DLG1: variants seen among roughly 807,000 people sequenced by gnomAD.
DLG1 encodes the protein disks large homolog 1.
A neutral mutation model predicts 123.4 loss-of-function variants in DLG1; 42 were observed. The observed-to-expected ratio is 0.34, with a 90% CI of 0.27 to 0.44. DLG1 has a LOEUF of 0.44. Ranked by LOEUF, DLG1 falls within the 20% of genes least tolerant of loss-of-function variation. DLG1 has a pLI of 1.00. For missense variants in DLG1, 942 were observed against 1,082.6 expected, an observed-to-expected ratio of 0.87 and a Z score of 1.82; for synonymous variants, 317 against 356.2, an observed-to-expected ratio of 0.89 and a Z score of 1.24.
intron 5 of DLG1, among the ~76,000 whole-genome samples, chr3:197,163,505 T>C (rs1561158374): frequency 1.3e-5 from 2 of 151,386 alleles, no homozygotes; most frequent in African/African-American, 4.8e-5. Flanking sequence ...AACGTGATAA[T>C]ATACACACAA....
At chr3:197,082,706 A>G (rs1751916794) in intron 16 of DLG1, among the ~76,000 whole-genome samples, 1 of 152,220 alleles carries the variant, frequency 6.6e-6, no homozygotes, top group East Asian at 1.9e-4. Context: ...ACATTCAAGA[A>G]CGAAATGGCA....
chr3:197,155,670 T>C (rs1029173540), intron 5 of DLG1, among the ~76,000 whole-genome samples: 3 of 150,004 alleles, frequency 2.0e-5, no homozygotes, highest in African/African-American at 7.3e-5. Context: ...GGCTCACACC[T>C]GTAATCCCAG....
intron 17 of DLG1, 120 bp from the exon 18 acceptor site, chr3:197,076,805 T>C (rs1174432350): frequency 5.9e-6 from 3 of 507,092 alleles, no homozygotes; most frequent in Non-Finnish European, 1.1e-5. Flanking sequence ...TTGTATATGA[T>C]TTTTACTTTA....
intron 10 of DLG1, among the ~76,000 whole-genome samples, chr3:197,132,209 C>G (rs1241830527): frequency 1.3e-5 from 2 of 151,708 alleles, no homozygotes; most frequent in African/African-American, 2.4e-5. Context: ...TTTCTATTAC[C>G]TATTTCATTA....
chr3:197,184,320 A>G lies in DLG1; in HGVS notation c.483+10105T>C, dbSNP rs79058068. Among the ~76,000 whole-genome samples the G allele has an allele frequency of 9.3e-3, 1,379 of 148,222 alleles. 10 individuals are homozygous for G. Among genetic ancestry groups the G allele is most frequent in the Middle Eastern group, 0.015 (4 of 274 alleles). The stretch of plus-strand genomic sequence containing the variant: ...GGCACCTTCACTGCTTATATAAATT[A>G]TAAATATGAACTGAATTAAAACATA... On this transcript the variant is annotated intron_variant, in intron 5 of 24. Transcript: ENST00000667157.
intron 22 of DLG1, among the ~76,000 whole-genome samples, chr3:197,063,541 T>C (rs1174498962): frequency 1.3e-5 from 2 of 152,218 alleles, no homozygotes; most frequent in Non-Finnish European, 2.9e-5. Flanking sequence ...TTTTGCATGT[T>C]GTGTATCAGT....
chr3:197,248,984 A>C (rs563740592), intron 4 of DLG1, among the ~76,000 whole-genome samples: 44 of 152,334 alleles, frequency 2.9e-4, no homozygotes, highest in Middle Eastern at 3.4e-3. Flanking sequence ...TATGTCTCAA[A>C]AAATAAAAAA....
chr3:197,108,144 C>T (rs1767672100), intron 13 of DLG1, among the ~76,000 whole-genome samples: 1 of 152,134 alleles, frequency 6.6e-6, no homozygotes, highest in African/African-American at 2.4e-5. Context: ...ACCATGCATT[C>T]CTTGAATAAA....
chr3:197,214,006 CAA>C (rs1732682322), intron 4 of DLG1, among the ~76,000 whole-genome samples: 1 of 151,988 alleles, frequency 6.6e-6, no homozygotes, highest in South Asian at 2.1e-4. Context: ...GCAGCACAAA[CAA>C]AGAGAAACAA....
intron 4 of DLG1, among the ~76,000 whole-genome samples, chr3:197,265,190 G>A (rs529157534): frequency 1.9e-4 from 29 of 152,308 alleles, no homozygotes; most frequent in Non-Finnish European, 3.8e-4. Flanking sequence ...CCTGTAATAT[G>A]AGCTACTTTA....
intron 5 of DLG1, among the ~76,000 whole-genome samples, chr3:197,171,157 AAGAG>A (rs1465283157): frequency 4.6e-5 from 7 of 152,178 alleles, no homozygotes; most frequent in African/African-American, 1.7e-4. Flanking sequence ...ATTTAAAAGT[AAGAG>A]AGAAACTAAA....
At chr3:197,045,134 T>TG (rs1722030322) in intron 24 of DLG1, among the ~76,000 whole-genome samples, 1 of 151,846 alleles carries the variant, frequency 6.6e-6, no homozygotes, top group South Asian at 2.1e-4. Flanking sequence ...GGTAGGATCT[T>TG]GGGGGAAAAG....
intron 4 of DLG1, among the ~76,000 whole-genome samples, chr3:197,201,771 T>TA (rs1163667058): frequency 2.6e-5 from 4 of 151,740 alleles, no homozygotes; most frequent in African/African-American, 9.7e-5. Flanking sequence ...TTCAATGTAA[T>TA]ACTACAATAA....
rs139480232 is a variant in DLG1, at chr3:197,248,181, C to T, written c.318+34498G>A. On this transcript the variant is annotated intron_variant, in intron 4 of 24. Coordinates refer to ENST00000667157, the MANE Select transcript of DLG1 (RefSeq NM_001366207.1). ...GCGGCTTTTCTTACCTTGGTATGTT[C>T]TGACCAAGATATACTTCACCGCCCC... is the stretch of plus-strand genomic sequence containing the variant. Among the ~76,000 whole-genome samples the T allele has an allele frequency of 5.4e-3, 817 of 152,296 alleles. 6 individuals are homozygous for T. The highest frequency in any genetic ancestry group is 0.019 in the African/African-American group (783 of 41,562).
intron 14 of DLG1, among the ~76,000 whole-genome samples, chr3:197,099,198 T>G (rs1762187932): frequency 6.6e-6 from 1 of 152,232 alleles, no homozygotes; most frequent in African/African-American, 2.4e-5. Flanking sequence ...CTCAAGTAGC[T>G]GAGCCTACAG....
At chr3:197,252,527 C>G (rs113737242) in intron 4 of DLG1, among the ~76,000 whole-genome samples, 146 of 152,000 alleles carry the variant, frequency 9.6e-4, no homozygotes, top group Admixed American at 2.9e-3. Flanking sequence ...GTGGTACTTA[C>G]GGTAGTTAAA....
intron 5 of DLG1, among the ~76,000 whole-genome samples, chr3:197,167,194 G>A (rs924295058): frequency 3.3e-5 from 5 of 152,094 alleles, no homozygotes; most frequent in Non-Finnish European, 7.4e-5. Context: ...ATAAATAAAT[G>A]AAGATAAGAG....
chr3:197,131,894 A>G (rs1481941199), intron 10 of DLG1, among the ~76,000 whole-genome samples: 2 of 151,998 alleles, frequency 1.3e-5, no homozygotes, highest in African/African-American at 4.8e-5. Context: ...CGCCCGGCCT[A>G]TTTCTTCCTT....
intron 11 of DLG1, among the ~76,000 whole-genome samples, chr3:197,124,266 C>A (rs1422210556): frequency 6.6e-6 from 1 of 152,098 alleles, no homozygotes; most frequent in Non-Finnish European, 1.5e-5. Flanking sequence ...TTCCCCATTT[C>A]TTTACTGGGT....
Sources: gnomAD v4.1 joint callset for allele counts (sites outside exome capture counted in the v4.1 genomes callset) on GRCh38, gnomAD v4.1.1 for gene constraint, MANE v1.5 for transcripts, NCBI Gene and HGNC (gene_info 2026-07-23, HGNC 2026-07-21) for gene names.